The following TCP11L1 variants were observed in gnomAD, a reference collection of about 807,000 sequenced individuals.
The protein encoded by TCP11L1 is T-complex protein 11-like protein 1.
A neutral mutation model predicts 48.9 loss-of-function variants in TCP11L1; 28 were observed. That is an observed-to-expected ratio of 0.57 (90% CI 0.42 to 0.78). TCP11L1 has a LOEUF of 0.78. Ranked by LOEUF, TCP11L1 falls within the 30% of genes least tolerant of loss-of-function variation. The probability of loss-of-function intolerance (pLI) is 0.00; values close to 1 mark genes in which losing one functional copy is unlikely to be tolerated. For missense variants in TCP11L1, 505 were observed against 613.4 expected, an observed-to-expected ratio of 0.82 and a Z score of 1.87; for synonymous variants, 204 against 231.9, an observed-to-expected ratio of 0.88 and a Z score of 1.09.
intron 2 of TCP11L1, among the ~76,000 whole-genome samples, chr11:33,053,757 G>C (rs550264160): frequency 3.3e-5 from 5 of 152,206 alleles, no homozygotes; most frequent in Non-Finnish European, 7.3e-5. Flanking sequence ...GTACAAGATA[G>C]TGGTTTTAGC....
At chr11:33,068,090 T>C (rs993007931) in intron 8 of TCP11L1, among the ~76,000 whole-genome samples, 1 of 152,116 alleles carries the variant, frequency 6.6e-6, no homozygotes, top group African/African-American at 2.4e-5. Flanking sequence ...CTAATCTTTT[T>C]GTATTTTTAG....
At chr11:33,043,722 T>A in intron 1 of TCP11L1, 28 bp from the exon 2 acceptor site, 2 of 1,554,396 alleles carry the variant, frequency 1.3e-6, no homozygotes, top group Non-Finnish European at 1.7e-6. Flanking sequence ...TACTTTTAGT[T>A]CTTTTTTTTT....
At position 33,043,745 on chromosome 11, in the gene TCP11L1, C is replaced by A; in HGVS notation, c.-24-5C>A. On this transcript the variant is annotated splice_polypyrimidine_tract_variant and splice_region_variant and intron_variant, in intron 1 of 9. Transcript: ENST00000334274. ...GTTCTTTTTTTTTGTTTTTTTCTTT[C>A]CTAGGAAAGTGAATAAACTTAATTG... 1 of 1,561,774 alleles carries A rather than the reference C, an allele frequency of 6.4e-7. No individual in the cohort carries two copies. Among genetic ancestry groups the A allele is most frequent in the Non-Finnish European group, 8.6e-7 (1 of 1,158,496 alleles).
Position 33,072,943 on chromosome 11 carries a change from C to T in TCP11L1, c.*267C>T. On this transcript the variant is annotated 3_prime_UTR_variant, in exon 10 of 10. Coordinates refer to ENST00000334274, the MANE Select transcript of TCP11L1 (RefSeq NM_018393.4). Reference sequence around the variant, plus strand: ...TTTACAGGTAACACTCAGCTGTTGTCTCCACTCCTCCCCCATCATGTCCTT... The same window carrying T: ...TTTACAGGTAACACTCAGCTGTTGTTTCCACTCCTCCCCCATCATGTCCTT... 4.6e-6 allele frequency: 2 copies of T among 434,190 alleles called. No homozygotes were observed. The highest frequency in any genetic ancestry group is 4.9e-5 in the East Asian group (1 of 20,534). The allele number at this position is 434,190 out of a possible 1,614,324, so 26.9% of individuals were successfully genotyped here.
chr11:33,058,104 A>G lies in TCP11L1; in HGVS notation c.603A>G (p.Lys201=), dbSNP rs200534855. 6.2e-7 allele frequency: 1 copy of G among 1,614,040 alleles called. No homozygotes were observed. The highest frequency in any genetic ancestry group is 8.5e-7 in the Non-Finnish European group (1 of 1,180,024). ...CTGCTCGAGATGAGGAAGTTAAGAA[A>G]CTAAAGGACATTAAGGAAATAGTGC... is the stretch of plus-strand genomic sequence containing the variant. ...CAPARDEEVK[K]LKDIKEIVPL... Residue 201 remains lysine, a synonymous_variant, in exon 5 of 10, where the codon AAA becomes AAG. Coordinates refer to ENST00000334274, the MANE Select transcript of TCP11L1 (RefSeq NM_018393.4).
chr11:33,052,795 G>A (rs1038119295), intron 2 of TCP11L1, among the ~76,000 whole-genome samples: 13 of 152,006 alleles, frequency 8.6e-5, no homozygotes, highest in African/African-American at 3.1e-4. Context: ...AGGAGTTCGA[G>A]ACCAGCCTGG....
At chr11:33,071,939 G>A (rs1056393961) in intron 9 of TCP11L1, among the ~76,000 whole-genome samples, 2 of 152,090 alleles carry the variant, frequency 1.3e-5, no homozygotes, top group African/African-American at 4.8e-5. Context: ...TCCACCTCCT[G>A]GGTTCAAGTG....
At chr11:33,057,473 A>G (rs1431704707) in intron 4 of TCP11L1, among the ~76,000 whole-genome samples, 1 of 152,232 alleles carries the variant, frequency 6.6e-6, no homozygotes, top group Non-Finnish European at 1.5e-5. Context: ...AATCTAGTTT[A>G]TTTATAAATT....
At chr11:33,069,024 C>T (rs941406690) in intron 9 of TCP11L1, among the ~76,000 whole-genome samples, 165 bp downstream of exon 9, 4 of 152,082 alleles carry the variant, frequency 2.6e-5, no homozygotes, top group African/African-American at 9.7e-5. Flanking sequence ...CAGATGGGCA[C>T]AGGACCAGGC....
intron 5 of TCP11L1, among the ~76,000 whole-genome samples, chr11:33,058,414 G>A (rs1854375225): frequency 6.6e-6 from 1 of 151,998 alleles, no homozygotes; most frequent in Non-Finnish European, 1.5e-5. Flanking sequence ...GGCCAGGCTG[G>A]TCTCGAACTC....
At chr11:33,044,162 T>A (rs1301946820) in intron 2 of TCP11L1, 8 of 401,438 alleles carry the variant, frequency 2.0e-5, no homozygotes, top group Non-Finnish European at 3.5e-5. Context: ...AACGTTCCTG[T>A]CTTTCTCCAG....
chr11:33,051,491 C>A (rs1387031418), intron 2 of TCP11L1, among the ~76,000 whole-genome samples: 4 of 152,086 alleles, frequency 2.6e-5, no homozygotes, highest in Non-Finnish European at 5.9e-5. Context: ...ATTGTTGTAG[C>A]ACCATTTGAT....
chr11:33,040,110 C>CTTTT (rs72407403), intron 1 of TCP11L1: 177 of 150,740 alleles, frequency 1.2e-3, no homozygotes, highest in East Asian at 1.8e-3. Flanking sequence ...GACAGAGCCC[C>CTTTT]TTTTTTCTTT....
chr11:33,042,126 T>TG (rs1271809977), intron 1 of TCP11L1, among the ~76,000 whole-genome samples: 4 of 152,062 alleles, frequency 2.6e-5, no homozygotes, highest in Non-Finnish European at 5.9e-5. Context: ...AACAGGGTTT[T>TG]TTTGTTTGTT....
chr11:33,058,251 T>G, intron 5 of TCP11L1, 112 bp downstream of exon 5: 14 of 1,013,560 alleles, frequency 1.4e-5, no homozygotes, highest in Non-Finnish European at 1.8e-5. Context: ...AAGGCTGGAG[T>G]GCAATGGCGT....
At chr11:33,067,335 C>T (rs931098907) in intron 8 of TCP11L1, among the ~76,000 whole-genome samples, 2 of 152,164 alleles carry the variant, frequency 1.3e-5, no homozygotes, top group African/African-American at 4.8e-5. Context: ...AAGGGAAGTA[C>T]CCCCTAAACA....
intron 7 of TCP11L1, among the ~76,000 whole-genome samples, 172 bp downstream of exon 7, chr11:33,061,898 T>C (rs1854478658): frequency 1.3e-5 from 2 of 152,104 alleles, no homozygotes; most frequent in South Asian, 2.1e-4. Flanking sequence ...CTGGGCAACA[T>C]GGCAAAACAC....
At chr11:33,046,470 G>T (rs1484311374) in intron 2 of TCP11L1, among the ~76,000 whole-genome samples, 2 of 152,088 alleles carry the variant, frequency 1.3e-5, no homozygotes, top group Non-Finnish European at 2.9e-5. Flanking sequence ...CTATGATCAA[G>T]ATTTAGGGGA....
intron 2 of TCP11L1, among the ~76,000 whole-genome samples, chr11:33,051,191 G>A (rs942644765): frequency 5.9e-5 from 9 of 151,782 alleles, no homozygotes; most frequent in African/African-American, 9.7e-5. Context: ...TTTTTGAGAC[G>A]GAGTCTCGCT....
Sources: allele counts gnomAD v4.1 joint callset (sites outside exome capture counted in the v4.1 genomes callset), GRCh38; gene constraint gnomAD v4.1.1; transcripts MANE v1.5; gene names NCBI Gene and HGNC (gene_info 2026-07-23, HGNC 2026-07-21).